Variants in SHISAL1 observed in about 807,000 individuals in gnomAD.
SHISAL1 encodes protein shisa-like-1.
A neutral mutation model predicts 22.6 loss-of-function variants in SHISAL1; 9 were observed. The observed-to-expected ratio is 0.40, with a 90% CI of 0.24 to 0.70. The LOEUF (loss-of-function observed/expected upper bound fraction) is 0.70, where lower values mean the gene tolerates loss of function less well. Among genes scored for constraint, SHISAL1 ranks in the 30% least tolerant of loss-of-function variants. SHISAL1 has a pLI of 0.39. For synonymous variants in SHISAL1, 119 were observed against 115.4 expected (o/e 1.03, Z -0.20); for missense variants, 246 against 270.6 (o/e 0.91, Z 0.64).
At chr22:44,259,095 C>T (rs1438835906) in intron 4 of SHISAL1, among the ~76,000 whole-genome samples, 6 of 152,176 alleles carry the variant, frequency 3.9e-5, no homozygotes, top group South Asian at 2.1e-4. Context: ...CATCCTCACC[C>T]GCCCTGCTAT....
At chr22:44,325,554 T>C in the SHISAL1 span, among the ~76,000 whole-genome samples, 1 of 152,108 alleles carries the variant, frequency 6.6e-6, no homozygotes, top group Non-Finnish European at 1.5e-5. Context: ...TTCTATAGAA[T>C]AACTTATTCT....
chr22:44,296,937 G>A (rs763857327), intron 2 of SHISAL1, 52 bp from the exon 3 acceptor site: 121 of 1,454,104 alleles, frequency 8.3e-5, no homozygotes, highest in Non-Finnish European at 1.1e-4. Flanking sequence ...GTCCACGGGT[G>A]CCAAGAGGCA....
chr22:44,283,275 G>C (rs2147288915), intron 4 of SHISAL1, among the ~76,000 whole-genome samples: 1 of 152,348 alleles, frequency 6.6e-6, no homozygotes, highest in Middle Eastern at 3.4e-3. Flanking sequence ...AGGACGGTCA[G>C]GAAAGACGAA....
At position 44,310,563 on chromosome 22, in the gene SHISAL1, T is replaced by A. The variant is rs1451470733; in HGVS notation, c.-33+2188A>T. ...GGAGCCGTGCCCCACACCTTGCAGG[T>A]ATACCAAACATAGAAAGGACCAGAA... On this transcript the variant is annotated intron_variant, in intron 1 of 4. Coordinates refer to ENST00000381176, the MANE Select transcript of SHISAL1 (RefSeq NM_001099294.2). This position sits in a 1 kb window ranked among gnomAD's most constrained non-coding sequence, Gnocchi z 4.0. Among the ~76,000 whole-genome samples, 1 of 152,110 alleles carries A rather than the reference T, an allele frequency of 6.6e-6. No individual in the cohort carries two copies. The highest frequency in any genetic ancestry group is 1.5e-5 in the Non-Finnish European group (1 of 68,022).
intron 3 of SHISAL1, among the ~76,000 whole-genome samples, chr22:44,287,162 T>C (rs2055321875): frequency 1.3e-5 from 2 of 152,212 alleles, no homozygotes; most frequent in African/African-American, 2.4e-5. Flanking sequence ...CCCTTGCCTG[T>C]CTCTGGGCCT....
At chr22:44,274,139 G>A (rs929894200) in intron 4 of SHISAL1, among the ~76,000 whole-genome samples, 11 of 143,810 alleles carry the variant, frequency 7.6e-5, no homozygotes, top group Non-Finnish European at 1.6e-4. Context: ...CCAGCTACTC[G>A]GGAAGCCAAG....
At chr22:44,314,516 C>T (rs2055544990), upstream of SHISAL1, among the ~76,000 whole-genome samples, 1 of 152,106 alleles carries the variant, frequency 6.6e-6, no homozygotes, top group Non-Finnish European at 1.5e-5. Context: ...ATCCACCCTA[C>T]GAGGCAGGAA....
chr22:44,250,387 G>A (rs1247682764), intron 4 of SHISAL1, among the ~76,000 whole-genome samples: 1 of 152,154 alleles, frequency 6.6e-6, no homozygotes, highest in African/African-American at 2.4e-5. Flanking sequence ...GAAAAGCCAG[G>A]AGACCAGTGG....
At chr22:44,296,950 G>A (rs934639305) in intron 2 of SHISAL1, 65 bp from the exon 3 acceptor site, 20 of 1,285,540 alleles carry the variant, frequency 1.6e-5, no homozygotes, top group Admixed American at 1.0e-4. Context: ...AAGAGGCAGG[G>A]GGACTGGCCG....
chr22:44,320,769 C>T, the SHISAL1 span, among the ~76,000 whole-genome samples: 1 of 152,180 alleles, frequency 6.6e-6, no homozygotes, highest in African/African-American at 2.4e-5. Flanking sequence ...GCTGCACTCC[C>T]AGGTGGTGCT....
At chr22:44,259,827 C>T (rs2055109763) in intron 4 of SHISAL1, among the ~76,000 whole-genome samples, 2 of 152,306 alleles carry the variant, frequency 1.3e-5, no homozygotes, top group South Asian at 4.1e-4. Flanking sequence ...CTTTACCTTT[C>T]TTCTTTTTCC....
In SHISAL1 at chr22:44,246,377, G is replaced by A. The variant is rs1162604388; in HGVS notation, c.*3308C>T. The stretch of plus-strand genomic sequence containing the variant: ...TCTTCTCTCTCTCGTTTTTCTTTTT[G>A]TATTATTATTATTACAAATTACATG... On this transcript the variant is annotated 3_prime_UTR_variant, in exon 5 of 5. Transcript: ENST00000381176. 3 of 152,028 alleles carry A rather than the reference G, an allele frequency of 2.0e-5. No individual in the cohort carries two copies. Among genetic ancestry groups the A allele is most frequent in the Non-Finnish European group, 2.9e-5 (2 of 68,016 alleles). The allele number at this position is 152,028 out of a possible 1,614,324, so 9.4% of individuals were successfully genotyped here.
chr22:44,279,641 A>T (rs1415667880), intron 4 of SHISAL1, among the ~76,000 whole-genome samples: 1 of 152,202 alleles, frequency 6.6e-6, no homozygotes, highest in Non-Finnish European at 1.5e-5. Context: ...AAACGGTGGT[A>T]CTGGGGCTTT....
intron 4 of SHISAL1, among the ~76,000 whole-genome samples, chr22:44,261,731 C>T (rs1490540034): frequency 5.9e-5 from 9 of 152,266 alleles, no homozygotes; most frequent in African/African-American, 7.2e-5. Flanking sequence ...ACGGCAAACA[C>T]GCCTTGGTCA....
Position 44,245,816 on chromosome 22 carries a change from T to C in SHISAL1, c.*3869A>G, listed in dbSNP as rs2054995426. 1 of 152,266 alleles carries C rather than the reference T, an allele frequency of 6.6e-6. No homozygotes were observed. The highest frequency in any genetic ancestry group is 2.1e-4 in the South Asian group (1 of 4,840). The allele number at this position is 152,266 out of a possible 1,614,324, so 9.4% of individuals were successfully genotyped here. ...TAGCCCTGTCATGTTTTCCCTGACA[T>C]TCCCAAGTCCTCCTCTTCAGCTCTG... On this transcript the variant is annotated 3_prime_UTR_variant, in exon 5 of 5. Coordinates refer to ENST00000381176, the MANE Select transcript of SHISAL1 (RefSeq NM_001099294.2).
intron 4 of SHISAL1, among the ~76,000 whole-genome samples, chr22:44,281,287 G>C (rs529560764): frequency 6.1e-4 from 93 of 152,188 alleles, no homozygotes; most frequent in Non-Finnish European, 1.1e-3. Context: ...CTGAGGTTCT[G>C]GTCGGGGGAG....
intron 4 of SHISAL1, among the ~76,000 whole-genome samples, chr22:44,263,817 T>C (rs1349666215): frequency 6.6e-6 from 1 of 152,224 alleles, no homozygotes; most frequent in Non-Finnish European, 1.5e-5. Flanking sequence ...TGCCTTGACA[T>C]GAAGTGTTCA....
At chr22:44,289,364 C>T (rs1291738670) in intron 3 of SHISAL1, among the ~76,000 whole-genome samples, 3 of 152,174 alleles carry the variant, frequency 2.0e-5, no homozygotes, top group African/African-American at 7.2e-5. Flanking sequence ...CCTGTACCTG[C>T]GTGGTGTGCC....
the SHISAL1 span, among the ~76,000 whole-genome samples, chr22:44,321,514 C>T: frequency 6.6e-6 from 1 of 152,168 alleles, no homozygotes; most frequent in African/African-American, 2.4e-5. Flanking sequence ...TGTCATCACC[C>T]ACACCTGTGC....
Sources: gnomAD v4.1 joint callset for allele counts (sites outside exome capture counted in the v4.1 genomes callset) on GRCh38, gnomAD v4.1.1 for gene constraint, Gnocchi (gnomAD v3.1) non-coding constraint, MANE v1.5 for transcripts, NCBI Gene and HGNC (gene_info 2026-07-23, HGNC 2026-07-21) for gene names.